TRAPPC8: variants seen among roughly 807,000 people sequenced by gnomAD.
The protein encoded by TRAPPC8 is general sporulation gene 1 homolog.
Under a neutral mutation model 174.3 loss-of-function variants are expected in TRAPPC8, and 54 were observed. The observed-to-expected ratio is 0.31, with a 90% confidence interval of 0.25 to 0.39. The LOEUF (loss-of-function observed/expected upper bound fraction) is 0.39. Ranked by LOEUF, TRAPPC8 falls within the 10% of genes least tolerant of loss-of-function variation. The probability of loss-of-function intolerance (pLI) is 1.00; values close to 1 mark genes in which losing one functional copy is unlikely to be tolerated. For missense variants in TRAPPC8, 1,531 were observed against 1,699.1 expected, an observed-to-expected ratio of 0.90 and a Z score of 1.74; for synonymous variants, 630 against 579.9, an observed-to-expected ratio of 1.09 and a Z score of -1.24.
chr18:31,874,846 A>C, intron 12 of TRAPPC8, 142 bp from the exon 13 acceptor site: 1 of 675,544 alleles, frequency 1.5e-6, no homozygotes. Flanking sequence ...AAATAAAACT[A>C]ACATTTATGA....
In TRAPPC8 at chr18:31,839,963, C is replaced by T. The variant is rs148814939; in HGVS notation, c.3838-506G>A. 7.2e-3 allele frequency among the ~76,000 whole-genome samples: 1,103 copies of T among 152,248 alleles called. 15 individuals are homozygous for T. The highest frequency in any genetic ancestry group is 0.025 in the African/African-American group (1,058 of 41,530). ...ATAGTATAATCTATACTATAATGTGCTTCAACTACACTAGCTAAAGGTTAA... is the reference window on the plus strand; with the variant it reads ...ATAGTATAATCTATACTATAATGTGTTTCAACTACACTAGCTAAAGGTTAA... On this transcript the variant is annotated intron_variant, in intron 26 of 28. Transcript: ENST00000283351.
At chr18:31,933,564 T>C (rs1374880204) in intron 1 of TRAPPC8, among the ~76,000 whole-genome samples, 1 of 152,082 alleles carries the variant, frequency 6.6e-6, no homozygotes, top group Admixed American at 6.6e-5. Context: ...GAAGGCGGTA[T>C]AGCAGCAGCA....
At chr18:31,935,604 G>C (rs908250372) in intron 1 of TRAPPC8, among the ~76,000 whole-genome samples, 30 of 142,504 alleles carry the variant, frequency 2.1e-4, no homozygotes, top group African/African-American at 7.6e-4. Context: ...TTATAGGCTT[G>C]AGCCACTGGA....
At chr18:31,836,583 T>C (rs944076384) in intron 27 of TRAPPC8, among the ~76,000 whole-genome samples, 4 of 152,124 alleles carry the variant, frequency 2.6e-5, no homozygotes, top group African/African-American at 7.2e-5. Flanking sequence ...GAATCAAAAT[T>C]GTTCATAGAA....
intron 5 of TRAPPC8, among the ~76,000 whole-genome samples, chr18:31,912,494 C>CAA (rs139915586): frequency 6.1e-5 from 9 of 147,986 alleles, no homozygotes; most frequent in East Asian, 6.0e-4. Context: ...TCTTTGTCTC[C>CAA]AAAAAAAAAA....
chr18:31,849,488 A>G lies in TRAPPC8; in HGVS notation c.3735+78T>C. On this transcript the variant is annotated intron_variant, in intron 25 of 28. Transcript: ENST00000283351. ...AAAGATAAGCATAAAAAATATAAAT[A>G]GTAATATACGTTTGTGCTTAGCTTA... 7.7e-6 allele frequency: 9 copies of G among 1,169,990 alleles called. 1 individual carries two copies. Among genetic ancestry groups the G allele is most frequent in the East Asian group, 2.8e-5 (1 of 35,140 alleles). The allele number at this position is 1,169,990 out of a possible 1,614,324, so 72.5% of individuals were successfully genotyped here. A position where few individuals can be genotyped will look rare whatever the true frequency, so the allele number is the denominator to read the frequency against.
intron 19 of TRAPPC8, among the ~76,000 whole-genome samples, chr18:31,861,075 T>C (rs2034296014): frequency 6.6e-6 from 1 of 152,220 alleles, no homozygotes; most frequent in Admixed American, 6.5e-5. Flanking sequence ...ATGAAACTCC[T>C]ATCAGGAAAC....
At chr18:31,832,053 T>C in intron 28 of TRAPPC8, 31 bp downstream of exon 28, 4 of 1,386,658 alleles carry the variant, frequency 2.9e-6, no homozygotes, top group Non-Finnish European at 3.9e-6. Flanking sequence ...TGCTCCCAAA[T>C]CAAATAACCT....
rs1159816318 is a variant in TRAPPC8 at position 31,874,569 on chromosome 18, A to C, written c.1864T>G (p.Ser622Ala). 1 of 1,614,188 alleles carries C rather than the reference A, an allele frequency of 6.2e-7. No individual in the cohort carries two copies. The highest frequency in any genetic ancestry group is 8.5e-7 in the Non-Finnish European group (1 of 1,180,020). The part of the protein sequence containing the change: ...YTLRQLDNAV[S>A]AFRHILINES... ...TTAATTAGAATATGCCTAAAAGCAG[A>C]CACAGCATTATCCAGCTGTCTAAGA... Residue 622 changes from serine (S) to alanine (A), a missense_variant, in exon 13 of 29, where the codon TCT (serine) becomes GCT (alanine). By Grantham distance (99) the Ser-to-Ala change is moderately conservative. Transcript: ENST00000283351.
intron 6 of TRAPPC8, 136 bp from the exon 7 acceptor site, chr18:31,909,146 T>C (rs894164355): frequency 3.7e-5 from 30 of 810,162 alleles, no homozygotes; most frequent in Non-Finnish European, 5.0e-5. Flanking sequence ...ATGTCTAAGA[T>C]AAAACAGCAG....
At position 31,874,608 on chromosome 18, in the gene TRAPPC8, G is replaced by A. The variant is rs577803701; in HGVS notation, c.1825C>T (p.Arg609Cys). 32 of 1,614,034 alleles carry A rather than the reference G, an allele frequency of 2.0e-5. 2 individuals are homozygous for A. The highest frequency in any genetic ancestry group is 1.3e-4 in the Admixed American group (8 of 60,010). The change falls in exon 13 of 29, where the codon CGC (arginine) becomes TGC (cysteine). Residue 609 changes from arginine to cysteine, a missense_variant. Coordinates refer to ENST00000283351, the MANE Select transcript of TRAPPC8 (RefSeq NM_014939.5). The part of the protein sequence containing the change: ...AEDHINFTIG[R>C]QSYTLRQLDN... The stretch of plus-strand genomic sequence containing the variant: ...AGCTGTCTAAGAGTATAGGACTGGC[G>A]CCCAATAGTGAAATTAATGTGATCC...
In TRAPPC8 at chr18:31,876,920, C is replaced by T. The variant is rs531997399; in HGVS notation, c.1729-2216G>A. Among the ~76,000 whole-genome samples the T allele has an allele frequency of 6.6e-5, 10 of 152,308 alleles. No homozygotes were observed. The South Asian group carries it at 1.7e-3, about 25-fold the overall frequency. ...GCCTGAACTGAGACAGGAGATACCA[C>T]TGCCCTGCCCAGGAAATCTCTGCTC... On this transcript the variant is annotated intron_variant, in intron 12 of 28. Coordinates refer to ENST00000283351, the MANE Select transcript of TRAPPC8 (RefSeq NM_014939.5).
intron 1 of TRAPPC8, among the ~76,000 whole-genome samples, chr18:31,933,022 C>T (rs1386238083): frequency 9.4e-6 from 1 of 106,160 alleles, no homozygotes; most frequent in African/African-American, 4.2e-5. Flanking sequence ...AAAAAAAAAG[C>T]CGGGCGCAGT....
Position 31,846,755 on chromosome 18 carries a change from G to A in TRAPPC8, c.3798C>T (p.Arg1266=). 3 of 1,612,944 alleles carry A rather than the reference G, an allele frequency of 1.9e-6. No homozygotes were observed. The highest frequency in any genetic ancestry group is 2.2e-5 in the East Asian group (1 of 44,862). ...ILEGQHHVIL[R]TIGKEAFSYP... is the part of the protein sequence containing the mutation. ...ATGAAAAGGCTTCTTTTCCTATAGTGCGAAGAATAACATGATGTTGACCTT... is the reference window on the plus strand; with the variant it reads ...ATGAAAAGGCTTCTTTTCCTATAGTACGAAGAATAACATGATGTTGACCTT... Residue 1266 remains arginine, a synonymous_variant, in exon 26 of 29, where the codon CGC becomes CGT. Coordinates refer to ENST00000283351, the MANE Select transcript of TRAPPC8 (RefSeq NM_014939.5).
At chr18:31,862,953 G>A (rs1221233575) in intron 19 of TRAPPC8, among the ~76,000 whole-genome samples, 3 of 151,198 alleles carry the variant, frequency 2.0e-5, no homozygotes, top group African/African-American at 4.9e-5. Flanking sequence ...TCAGGAGAAT[G>A]AGGCAGGAGA....
chr18:31,858,370 C>T (rs1466384860), intron 19 of TRAPPC8, among the ~76,000 whole-genome samples: 1 of 152,158 alleles, frequency 6.6e-6, no homozygotes, highest in Non-Finnish European at 1.5e-5. Context: ...AGCTCAACTA[C>T]TTATGTCTAT....
chr18:31,869,611 T>C (rs971229896), intron 16 of TRAPPC8, among the ~76,000 whole-genome samples: 4 of 152,154 alleles, frequency 2.6e-5, no homozygotes, highest in African/African-American at 9.7e-5. Context: ...AAATGGAAAC[T>C]TGCCAAAAAA....
At chr18:31,907,869 G>T (rs2036732729) in intron 8 of TRAPPC8, among the ~76,000 whole-genome samples, 1 of 152,134 alleles carries the variant, frequency 6.6e-6, no homozygotes. Flanking sequence ...GAAGTAAATG[G>T]TTAATTCCAA....
At chr18:31,874,255 C>A in intron 13 of TRAPPC8, 3 of 489,128 alleles carry the variant, frequency 6.1e-6, no homozygotes, top group East Asian at 6.3e-5. Context: ...TAAGAACAGC[C>A]ACAAATCAAG....
Sources: gnomAD v4.1 joint callset for allele counts (sites outside exome capture counted in the v4.1 genomes callset) on GRCh38, gnomAD v4.1.1 for gene constraint, MANE v1.5 for transcripts, NCBI Gene and HGNC (gene_info 2026-07-23, HGNC 2026-07-21) for gene names.